Variants in NXPH1 observed in about 807,000 individuals in gnomAD.
NXPH1 encodes neurexophilin-1.
A neutral mutation model predicts 23.7 loss-of-function variants in NXPH1; 5 were observed. The ratio of observed to expected loss-of-function variants is 0.21; its 90% confidence interval spans 0.11 to 0.44. NXPH1 has a LOEUF of 0.44. NXPH1 is among the 20% of genes least tolerant of loss of function. The pLI, the probability that NXPH1 is intolerant of heterozygous loss-of-function variation, is 0.99. For synonymous variants in NXPH1, 144 were observed against 122.2 expected, an observed-to-expected ratio of 1.18 and a Z score of -1.18; for missense variants, 324 against 321.6, an observed-to-expected ratio of 1.01 and a Z score of -0.06.
chr7:8,664,046 C>A (rs1820722470), intron 2 of NXPH1, among the ~76,000 whole-genome samples: 1 of 151,832 alleles, frequency 6.6e-6, no homozygotes. Context: ...GTCTTGTTAC[C>A]CTTTTTACTG....
chr7:8,628,590 A>T (rs1436653069), intron 2 of NXPH1, among the ~76,000 whole-genome samples: 3 of 138,514 alleles, frequency 2.2e-5, no homozygotes, highest in African/African-American at 6.2e-5. Context: ...GTGTATGTAT[A>T]AAAAAAAAAG....
intron 2 of NXPH1, among the ~76,000 whole-genome samples, chr7:8,734,466 A>G (rs1209449760): frequency 3.3e-5 from 5 of 152,130 alleles, no homozygotes; most frequent in Non-Finnish European, 7.4e-5. Flanking sequence ...ACTTTGGGCA[A>G]TATGGCCAGT....
intron 2 of NXPH1, among the ~76,000 whole-genome samples, chr7:8,553,988 G>A (rs1321898370): frequency 6.6e-6 from 1 of 151,460 alleles, no homozygotes; most frequent in East Asian, 2.0e-4. Flanking sequence ...GTGGAATTTA[G>A]TATTGAATCT....
intron 2 of NXPH1, among the ~76,000 whole-genome samples, chr7:8,553,362 T>A (rs981687272): frequency 6.6e-6 from 1 of 151,090 alleles, no homozygotes. Context: ...TTGCTTATTA[T>A]GTGTATTAGA....
intron 2 of NXPH1, among the ~76,000 whole-genome samples, chr7:8,662,034 TA>T (rs1376884984): frequency 6.6e-6 from 1 of 152,050 alleles, no homozygotes; most frequent in Non-Finnish European, 1.5e-5. Flanking sequence ...TCAAGTAAGT[TA>T]AAATATAAAG....
chr7:8,659,476 G>A (rs926532948), intron 2 of NXPH1, among the ~76,000 whole-genome samples: 1 of 152,050 alleles, frequency 6.6e-6, no homozygotes, highest in Non-Finnish European at 1.5e-5. Flanking sequence ...GCAAACTATC[G>A]CAAGGACAGA....
intron 2 of NXPH1, among the ~76,000 whole-genome samples, chr7:8,483,810 G>GAAGT (rs988041303): frequency 2.0e-4 from 30 of 152,192 alleles, no homozygotes; most frequent in African/African-American, 7.0e-4. Context: ...AAGGTCCATA[G>GAAGT]AAGTTTTAAC....
At chr7:8,594,382 G>A (rs555074177) in intron 2 of NXPH1, among the ~76,000 whole-genome samples, 58 of 152,192 alleles carry the variant, frequency 3.8e-4, no homozygotes, top group African/African-American at 1.3e-3. Flanking sequence ...AGCTGGTAAA[G>A]ATAACTGCCT....
intron 2 of NXPH1, among the ~76,000 whole-genome samples, chr7:8,456,213 C>G (rs1816591819): frequency 6.6e-6 from 1 of 152,100 alleles, no homozygotes; most frequent in Admixed American, 6.6e-5. Flanking sequence ...AAGTTAAAGT[C>G]TAATATGTTA....
chr7:8,547,620 T>C (rs903402759), intron 2 of NXPH1, among the ~76,000 whole-genome samples: 1 of 151,350 alleles, frequency 6.6e-6, no homozygotes, highest in Admixed American at 6.6e-5. Context: ...CTGTTGCCCC[T>C]AGGTAGTTTT....
intron 2 of NXPH1, among the ~76,000 whole-genome samples, chr7:8,554,639 C>G (rs960043414): frequency 6.6e-6 from 1 of 151,676 alleles, no homozygotes; most frequent in Non-Finnish European, 1.5e-5. Flanking sequence ...AGAAAAGAGG[C>G]TCTAGAGATA....
At chr7:8,571,219 T>C (rs1584240042) in intron 2 of NXPH1, among the ~76,000 whole-genome samples, 1 of 151,318 alleles carries the variant, frequency 6.6e-6, no homozygotes, top group Non-Finnish European at 1.5e-5. Flanking sequence ...CATAGGAGAG[T>C]CTGGGCTAAG....
At chr7:8,621,547 G>C (rs777803650) in intron 2 of NXPH1, among the ~76,000 whole-genome samples, 1 of 149,458 alleles carries the variant, frequency 6.7e-6, no homozygotes, top group Non-Finnish European at 1.5e-5. Flanking sequence ...GAGTGTGATG[G>C]CACGATCTTG....
intron 2 of NXPH1, among the ~76,000 whole-genome samples, chr7:8,512,185 GCA>G (rs1817622818): frequency 6.6e-6 from 1 of 152,106 alleles, no homozygotes; most frequent in East Asian, 1.9e-4. Flanking sequence ...AGAGAACTTA[GCA>G]ATTTTGCCTG....
chr7:8,525,621 G>C (rs1185794885), intron 2 of NXPH1, among the ~76,000 whole-genome samples: 1 of 152,192 alleles, frequency 6.6e-6, no homozygotes, highest in African/African-American at 2.4e-5. Flanking sequence ...TTCCCATGCT[G>C]TGGGCAGGCT....
intron 2 of NXPH1, among the ~76,000 whole-genome samples, chr7:8,469,143 T>A (rs1224883894): frequency 6.6e-6 from 1 of 152,002 alleles, no homozygotes; most frequent in Non-Finnish European, 1.5e-5. Context: ...TAGAGTCCCA[T>A]ATTATACAAA....
intron 2 of NXPH1, among the ~76,000 whole-genome samples, chr7:8,660,271 A>T (rs937480423): frequency 2.0e-5 from 3 of 152,314 alleles, no homozygotes; most frequent in African/African-American, 7.2e-5. Context: ...CATTTTAAGT[A>T]ACAGTCTGAG....
intron 2 of NXPH1, among the ~76,000 whole-genome samples, chr7:8,597,129 A>G (rs905630854): frequency 6.6e-6 from 1 of 152,052 alleles, no homozygotes; most frequent in Admixed American, 6.6e-5. Flanking sequence ...TACAACATGA[A>G]TTCATAGAGC....
intron 2 of NXPH1, among the ~76,000 whole-genome samples, chr7:8,593,803 G>C (rs1819156488): frequency 6.6e-6 from 1 of 151,970 alleles, no homozygotes; most frequent in Non-Finnish European, 1.5e-5. Flanking sequence ...AACTGGCCTT[G>C]TCATTTTGGA....
Sources: allele counts gnomAD v4.1 joint callset (sites outside exome capture counted in the v4.1 genomes callset), GRCh38; gene constraint gnomAD v4.1.1; transcripts MANE v1.5; gene names NCBI Gene and HGNC (gene_info 2026-07-23, HGNC 2026-07-21).